MPPED2: variants seen among roughly 807,000 people sequenced by gnomAD.
MPPED2 encodes metallophosphoesterase domain containing 2.
A neutral mutation model predicts 33.0 loss-of-function variants in MPPED2; 5 were observed. The ratio of observed to expected loss-of-function variants is 0.15; its 90% CI spans 0.08 to 0.32. The LOEUF is 0.32. Ranked by LOEUF, MPPED2 falls within the 10% of genes least tolerant of loss-of-function variation. The pLI is 1.00. For missense variants in MPPED2, 275 were observed against 372.1 expected (o/e 0.74, Z 2.15); for synonymous variants, 136 against 141.9 (o/e 0.96, Z 0.29).
intron 4 of MPPED2, among the ~76,000 whole-genome samples, chr11:30,449,767 A>C (rs1206708433): frequency 2.0e-5 from 3 of 152,214 alleles, no homozygotes; most frequent in African/African-American, 7.2e-5. Flanking sequence ...AAACCAAGAT[A>C]AAGAGAGATA....
At chr11:30,408,093 T>A (rs767820386), downstream of MPPED2, among the ~76,000 whole-genome samples, 132 of 152,138 alleles carry the variant, frequency 8.7e-4, no homozygotes, top group Admixed American at 1.7e-3. Context: ...CCGTTTTACA[T>A]AGAAAGTGAG....
intron 4 of MPPED2, among the ~76,000 whole-genome samples, chr11:30,419,469 A>G (rs999374317): frequency 1.3e-5 from 2 of 152,152 alleles, no homozygotes; most frequent in Non-Finnish European, 2.9e-5. Context: ...TATCAATTTC[A>G]TGGTTCTGAA....
intron 4 of MPPED2, among the ~76,000 whole-genome samples, chr11:30,487,769 C>T (rs903479710): frequency 4.6e-5 from 7 of 152,144 alleles, no homozygotes; most frequent in Admixed American, 3.9e-4. Context: ...AGTCACTGCA[C>T]CTGGCCAATT....
chr11:30,387,719 A>G (rs947472724), exon 7 of MPPED2: 15 of 152,092 alleles, frequency 9.9e-5, no homozygotes, highest in African/African-American at 3.4e-4. Flanking sequence ...TTTTTTGTTT[A>G]TAGTGAACAG....
chr11:30,567,199 G>C (rs993237604), intron 2 of MPPED2, among the ~76,000 whole-genome samples: 4 of 152,102 alleles, frequency 2.6e-5, no homozygotes, highest in Non-Finnish European at 4.4e-5. Flanking sequence ...ACTAACTCTT[G>C]CCAAAAGTCT....
At position 30,535,928 on chromosome 11, in the gene MPPED2, G is replaced by A. The variant is rs575721751; in HGVS notation, c.310+66C>T. 6.9e-4 allele frequency: 964 copies of A among 1,392,412 alleles called. 7 individuals are homozygous for A. In the South Asian group the frequency reaches 0.011, roughly 16 times the overall value. 86.3% of individuals were successfully genotyped at this position (1,392,412 alleles called of 1,614,324 possible). On this transcript the variant is annotated intron_variant, in intron 3 of 6. Transcript: ENST00000358117. ...CTTCCAAGTGCTCTAATTCAATTAG[G>A]ACGCAGTGAGTGACACTCGGACGGG...
chr11:30,446,245 G>A (rs972142189), intron 4 of MPPED2, among the ~76,000 whole-genome samples: 5 of 152,308 alleles, frequency 3.3e-5, no homozygotes, highest in Non-Finnish European at 5.9e-5. Flanking sequence ...TCTCTTTCTA[G>A]GGTTTCACCC....
chr11:30,473,117 T>A (rs1951020640), intron 4 of MPPED2, among the ~76,000 whole-genome samples: 1 of 152,196 alleles, frequency 6.6e-6, no homozygotes, highest in Non-Finnish European at 1.5e-5. Flanking sequence ...CTACATGGTA[T>A]TCTATCGTAT....
intron 4 of MPPED2, among the ~76,000 whole-genome samples, chr11:30,431,455 T>C (rs991020781): frequency 6.6e-6 from 1 of 152,192 alleles, no homozygotes; most frequent in African/African-American, 2.4e-5. Context: ...CAATGACACA[T>C]TGTTGGGAAC....
chr11:30,451,799 T>C (rs1013366969), intron 4 of MPPED2: 3 of 985,316 alleles, frequency 3.0e-6, no homozygotes, highest in Admixed American at 6.1e-5. Context: ...TGTCTGCGAA[T>C]GACTGCAGAT....
intron 2 of MPPED2, among the ~76,000 whole-genome samples, chr11:30,559,561 C>T (rs977631978): frequency 3.5e-4 from 54 of 152,148 alleles, no homozygotes; most frequent in Admixed American, 2.7e-3. Context: ...CTTCTCCTTC[C>T]GAATGAAATG....
At chr11:30,471,023 A>C (rs1435708226) in intron 4 of MPPED2, among the ~76,000 whole-genome samples, 1 of 152,216 alleles carries the variant, frequency 6.6e-6, no homozygotes, top group African/African-American at 2.4e-5. Context: ...CCTTGGAAAA[A>C]GACTCAATTA....
intron 4 of MPPED2, among the ~76,000 whole-genome samples, chr11:30,486,341 T>C (rs1951741283): frequency 6.6e-6 from 1 of 152,110 alleles, no homozygotes; most frequent in South Asian, 2.1e-4. Context: ...GTTTGTCAAG[T>C]AGCCTGAATA....
intron 2 of MPPED2, among the ~76,000 whole-genome samples, chr11:30,543,331 T>C (rs1410117700): frequency 6.6e-6 from 1 of 152,208 alleles, no homozygotes; most frequent in Non-Finnish European, 1.5e-5. Flanking sequence ...CCAGTGGCTT[T>C]TGTGTTCTTA....
At chr11:30,451,275 C>T (rs1950048542) in intron 4 of MPPED2, among the ~76,000 whole-genome samples, 1 of 152,146 alleles carries the variant, frequency 6.6e-6, no homozygotes, top group South Asian at 2.1e-4. Flanking sequence ...CCCTTCTTCA[C>T]CTTTTAGCTG....
At chr11:30,465,996 C>T (rs1325891243) in intron 4 of MPPED2, among the ~76,000 whole-genome samples, 2 of 152,048 alleles carry the variant, frequency 1.3e-5, no homozygotes. Flanking sequence ...ATTAAAATAC[C>T]ATCCTATTTT....
chr11:30,403,961 G>T (rs1161452916), intron 6 of MPPED2, among the ~76,000 whole-genome samples: 2 of 152,184 alleles, frequency 1.3e-5, no homozygotes, highest in Non-Finnish European at 2.9e-5. Flanking sequence ...GAGTTCCAGA[G>T]AGCTCATGAG....
chr11:30,539,918 C>G (rs58072588), intron 2 of MPPED2, among the ~76,000 whole-genome samples: 2,626 of 152,234 alleles, frequency 0.017, 66 homozygotes, highest in African/African-American at 0.06. Flanking sequence ...GTGAGCCACC[C>G]CCACCTGGCT....
rs527852145 is a variant in MPPED2 at position 30,485,126 on chromosome 11, A to G, written c.536+10170T>C. On this transcript the variant is annotated intron_variant, in intron 4 of 6. Coordinates refer to ENST00000358117, the MANE Select transcript of MPPED2 (RefSeq NM_001584.3). ...TTTAATCCCATGAAAAATATACAGA[A>G]GTAGTGAAGAACATAAAGGCTTTGG... Among the ~76,000 whole-genome samples the G allele has an allele frequency of 2.0e-5, 3 of 152,322 alleles. No homozygotes were observed. The East Asian group carries it at 5.8e-4, about 29-fold the overall frequency.
Sources: gnomAD v4.1 joint callset for allele counts (sites outside exome capture counted in the v4.1 genomes callset) on GRCh38, gnomAD v4.1.1 for gene constraint, MANE v1.5 for transcripts, NCBI Gene and HGNC (gene_info 2026-07-23, HGNC 2026-07-21) for gene names.